TNRC6B: variants seen among roughly 807,000 people sequenced by gnomAD.
TNRC6B encodes the protein trinucleotide repeat containing adaptor 6B.
In TNRC6B, 52 loss-of-function variants were observed where a neutral mutation model predicts 203.6. That is an observed-to-expected ratio of 0.26 (90% CI 0.20 to 0.32). The LOEUF is 0.32. TNRC6B is among the 10% of genes least tolerant of loss of function. The probability of loss-of-function intolerance (pLI) is 1.00; values close to 1 mark genes in which losing one functional copy is unlikely to be tolerated. For missense variants in TNRC6B, 1,923 were observed against 2,286.2 expected, an observed-to-expected ratio of 0.84 and a Z score of 3.24; for synonymous variants, 838 against 845.7, an observed-to-expected ratio of 0.99 and a Z score of 0.16.
intron 1 of TNRC6B, among the ~76,000 whole-genome samples, chr22:40,245,007 C>G (rs1456910035): frequency 1.3e-5 from 2 of 152,188 alleles, no homozygotes; most frequent in Non-Finnish European, 2.9e-5. Context: ...TTCAGTGGAG[C>G]AAAACCTGGT....
In TNRC6B at chr22:40,326,354, T is replaced by G. The variant is rs896838076; in HGVS notation, c.*3113T>G. ...AAGTCTCCAAACATTATTGTCATACTGGGGATCACACATTTTAAAACACAT... is the reference window on the plus strand; with the variant it reads ...AAGTCTCCAAACATTATTGTCATACGGGGGATCACACATTTTAAAACACAT... On this transcript the variant is annotated 3_prime_UTR_variant, in exon 23 of 23. Coordinates refer to ENST00000454349, the MANE Select transcript of TNRC6B (RefSeq NM_001162501.2). The G allele has an allele frequency of 3.3e-5, 5 of 152,626 alleles. No individual in the cohort carries two copies. Among genetic ancestry groups the G allele is most frequent in the African/African-American group, 1.2e-4 (5 of 41,458 alleles). 9.5% of individuals were successfully genotyped at this position (152,626 alleles called of 1,614,324 possible). A position where few individuals can be genotyped will look rare whatever the true frequency, so the allele number is the denominator to read the frequency against.
chr22:40,178,674 A>G (rs1305618414), intron 1 of TNRC6B, among the ~76,000 whole-genome samples: 1 of 152,082 alleles, frequency 6.6e-6, no homozygotes, highest in African/African-American at 2.4e-5. Context: ...CATTTTAAAC[A>G]TCAGGTTGGG....
chr22:40,222,433 A>C (rs906995205), intron 1 of TNRC6B, among the ~76,000 whole-genome samples: 14 of 152,074 alleles, frequency 9.2e-5, no homozygotes, highest in Non-Finnish European at 2.1e-4. Flanking sequence ...GCCAAGGAGG[A>C]ATGGGGCTTG....
chr22:40,253,486 C>T (rs1308685956), intron 3 of TNRC6B: 1 of 447,094 alleles, frequency 2.2e-6, no homozygotes, highest in African/African-American at 2.0e-5. Context: ...ATCAAACTTT[C>T]CTTTCTACTC....
intron 1 of TNRC6B, among the ~76,000 whole-genome samples, chr22:40,234,872 A>C (rs6001846): frequency 7.9e-5 from 12 of 152,298 alleles, no homozygotes; most frequent in African/African-American, 2.9e-4. Flanking sequence ...CCAGCAAATG[A>C]AAAAAATGTT....
intron 4 of TNRC6B, among the ~76,000 whole-genome samples, chr22:40,158,967 A>AT (rs1157458267): frequency 4.0e-5 from 6 of 151,854 alleles, no homozygotes; most frequent in Admixed American, 6.6e-5. Flanking sequence ...GAACTGAGTA[A>AT]TTTTTTTGCG....
At chr22:40,091,262 TA>T (rs879426155) in intron 1 of TNRC6B, among the ~76,000 whole-genome samples, 1 of 152,006 alleles carries the variant, frequency 6.6e-6, no homozygotes, top group East Asian at 1.9e-4. Context: ...TGATATTTTT[TA>T]AAAAAGCTAT....
In TNRC6B at chr22:40,333,663, T is replaced by G. The variant is rs1280393047; in HGVS notation, c.*10422T>G. The G allele has an allele frequency of 6.6e-6, 1 of 152,628 alleles. No homozygotes were observed. The highest frequency in any genetic ancestry group is 1.9e-4 in the East Asian group (1 of 5,200). 9.5% of individuals were successfully genotyped at this position (152,628 alleles called of 1,614,324 possible). A position where few individuals can be genotyped will look rare whatever the true frequency, so the allele number is the denominator to read the frequency against. On this transcript the variant is annotated 3_prime_UTR_variant, in exon 23 of 23. Transcript: ENST00000454349. ...GTTATGCTCTGGAAATGTACTGATT[T>G]CTTACTTGGGAGGAAACTTGTGTAA...
intron 1 of TNRC6B, among the ~76,000 whole-genome samples, chr22:40,204,959 G>A (rs1047724577): frequency 2.0e-5 from 3 of 152,140 alleles, no homozygotes; most frequent in Non-Finnish European, 2.9e-5. Flanking sequence ...GAAAGTACAG[G>A]TACATTTTTA....
At position 40,316,976 on chromosome 22, in the gene TNRC6B, C is replaced by T. The variant is rs1008899911; in HGVS notation, c.4974+964C>T. Reference sequence around the variant, plus strand: ...TCTGGTGATTTCTGTGTAGTAGACACGATTTGCTATACAAATGTGCATGTT... The same window carrying T: ...TCTGGTGATTTCTGTGTAGTAGACATGATTTGCTATACAAATGTGCATGTT... On this transcript the variant is annotated intron_variant, in intron 21 of 22. Coordinates refer to ENST00000454349, the MANE Select transcript of TNRC6B (RefSeq NM_001162501.2). Among the ~76,000 whole-genome samples, 10 of 152,202 alleles carry T rather than the reference C, an allele frequency of 6.6e-5. No homozygotes were observed. The South Asian group carries it at 1.0e-3, about 16-fold the overall frequency.
At chr22:40,246,777 G>A (rs977861682) in intron 2 of TNRC6B, among the ~76,000 whole-genome samples, 1 of 151,966 alleles carries the variant, frequency 6.6e-6, no homozygotes, top group Non-Finnish European at 1.5e-5. Flanking sequence ...TTGCCCCGGT[G>A]TTCTTTTGTT....
intron 1 of TNRC6B, among the ~76,000 whole-genome samples, chr22:40,090,044 C>A (rs781114544): frequency 6.6e-6 from 1 of 152,078 alleles, no homozygotes; most frequent in Non-Finnish European, 1.5e-5. Flanking sequence ...GAATAATATT[C>A]CATTGCCTGG....
At chr22:40,275,477 A>G (rs2070627434) in intron 7 of TNRC6B, among the ~76,000 whole-genome samples, 1 of 152,168 alleles carries the variant, frequency 6.6e-6, no homozygotes, top group Non-Finnish European at 1.5e-5. Context: ...TACATATAAC[A>G]TATAATTTAC....
At chr22:40,155,312 G>A (rs1448821222) in intron 3 of TNRC6B, among the ~76,000 whole-genome samples, 3 of 152,052 alleles carry the variant, frequency 2.0e-5, no homozygotes, top group Non-Finnish European at 2.9e-5. Flanking sequence ...TGGGGGAGAC[G>A]GAGTCTTGCT....
At chr22:40,160,476 C>CAAA (rs10668307) in intron 4 of TNRC6B, among the ~76,000 whole-genome samples, 6,243 of 127,894 alleles carry the variant, frequency 0.049, 443 homozygotes, top group African/African-American at 0.15. Flanking sequence ...AACTCCGTCT[C>CAAA]AAAAAAAAAA....
At chr22:40,230,486 T>C (rs996070842) in intron 1 of TNRC6B, among the ~76,000 whole-genome samples, 2 of 151,894 alleles carry the variant, frequency 1.3e-5, no homozygotes, top group African/African-American at 4.8e-5. Flanking sequence ...ACAATGGGAT[T>C]TCACCATGTT....
At chr22:40,053,498 A>G (rs752112762) in intron 1 of TNRC6B, among the ~76,000 whole-genome samples, 2 of 152,128 alleles carry the variant, frequency 1.3e-5, no homozygotes, top group Non-Finnish European at 2.9e-5. Flanking sequence ...ATACCCCTTT[A>G]ACACACAGGT....
intron 3 of TNRC6B, among the ~76,000 whole-genome samples, chr22:40,139,899 G>A (rs896375660): frequency 3.9e-5 from 6 of 152,132 alleles, no homozygotes; most frequent in African/African-American, 9.7e-5. Context: ...AGAAATGCAC[G>A]AGGGTTCCAG....
chr22:40,221,090 A>T (rs149572132), intron 1 of TNRC6B, among the ~76,000 whole-genome samples: 6 of 152,064 alleles, frequency 3.9e-5, no homozygotes, highest in African/African-American at 1.4e-4. Context: ...CCTCCCTCCC[A>T]ACTCTGTCGA....
Sources: allele counts gnomAD v4.1 joint callset (sites outside exome capture counted in the v4.1 genomes callset), GRCh38; gene constraint gnomAD v4.1.1; transcripts MANE v1.5; gene names NCBI Gene and HGNC (gene_info 2026-07-23, HGNC 2026-07-21).